GPR137C: variants seen among roughly 807,000 people sequenced by gnomAD.
GPR137C encodes the protein integral membrane protein GPR137C.
GPR137C carries 27 observed loss-of-function variants against 43.4 expected under a neutral mutation model. The observed-to-expected ratio is 0.62, with a 90% confidence interval of 0.46 to 0.86. The LOEUF (loss-of-function observed/expected upper bound fraction) is 0.86, where lower values mean the gene tolerates loss of function less well. Among genes scored for constraint, GPR137C ranks in the 40% least tolerant of loss-of-function variants. The probability of loss-of-function intolerance (pLI) is 0.00; values close to 1 mark genes in which losing one functional copy is unlikely to be tolerated. For synonymous variants in GPR137C, 285 were observed against 226.9 expected, an observed-to-expected ratio of 1.26 and a Z score of -2.30; for missense variants, 522 against 534.6, an observed-to-expected ratio of 0.98 and a Z score of 0.23.
chr14:52,629,940 T>G (rs2039275850), intron 3 of GPR137C, among the ~76,000 whole-genome samples: 1 of 152,220 alleles, frequency 6.6e-6, no homozygotes, highest in African/African-American at 2.4e-5. Context: ...GGTATGTAGG[T>G]GTCAGAGACC....
intron 1 of GPR137C, among the ~76,000 whole-genome samples, chr14:52,596,326 G>A (rs576862201): frequency 1.4e-4 from 21 of 152,358 alleles, no homozygotes; most frequent in South Asian, 4.1e-4. Flanking sequence ...CTCAAACTCC[G>A]TGCTGGGAGA....
At chr14:52,616,641 G>T (rs575167102) in intron 3 of GPR137C, among the ~76,000 whole-genome samples, 4 of 152,030 alleles carry the variant, frequency 2.6e-5, no homozygotes, top group Non-Finnish European at 4.4e-5. Context: ...TTTACTCTTT[G>T]CTTGATTGTC....
chr14:52,572,021 C>T (rs2038479127), intron 1 of GPR137C, among the ~76,000 whole-genome samples: 1 of 152,188 alleles, frequency 6.6e-6, no homozygotes, highest in Admixed American at 6.5e-5. Flanking sequence ...TTCCTGGACA[C>T]ATACACCCTC....
chr14:52,622,421 A>C (rs1457205626), intron 3 of GPR137C, among the ~76,000 whole-genome samples: 1 of 152,122 alleles, frequency 6.6e-6, no homozygotes, highest in Non-Finnish European at 1.5e-5. Flanking sequence ...TAATTATCAG[A>C]CCATCTCATT....
intron 1 of GPR137C, among the ~76,000 whole-genome samples, chr14:52,596,696 G>A (rs555854444): frequency 2.3e-4 from 35 of 152,324 alleles, no homozygotes; most frequent in Admixed American, 2.1e-3. Context: ...GTATTTGGAC[G>A]AGAGTGTACC....
At chr14:52,583,710 T>G (rs1344795369) in intron 1 of GPR137C, among the ~76,000 whole-genome samples, 1 of 152,214 alleles carries the variant, frequency 6.6e-6, no homozygotes, top group East Asian at 1.9e-4. Flanking sequence ...GCCATCTGAT[T>G]AGATCATCAT....
chr14:52,634,530 AC>A (rs2139587978), intron 6 of GPR137C, among the ~76,000 whole-genome samples: 1 of 152,114 alleles, frequency 6.6e-6, no homozygotes, highest in Admixed American at 6.6e-5. Context: ...AGTTTTTTGA[AC>A]CTGCTTTTCA....
At chr14:52,622,429 A>G (rs747703181) in intron 3 of GPR137C, among the ~76,000 whole-genome samples, 2 of 152,110 alleles carry the variant, frequency 1.3e-5, no homozygotes, top group Non-Finnish European at 2.9e-5. Context: ...AGACCATCTC[A>G]TTAGAAAAGT....
rs539613385 is a variant in GPR137C at position 52,616,072 on chromosome 14, A to G, written c.717+15731A>G. ...GTATTTAGAGCAATATGTTTTCTCAAGTACTGCCTTGGCACCTTTCTATAA... is the reference window on the plus strand; with the variant it reads ...GTATTTAGAGCAATATGTTTTCTCAGGTACTGCCTTGGCACCTTTCTATAA... On this transcript the variant is annotated intron_variant, in intron 3 of 6. Coordinates refer to ENST00000321662, the MANE Select transcript of GPR137C (RefSeq NM_001099652.2). Among the ~76,000 whole-genome samples, 518 of 152,290 alleles carry G rather than the reference A, an allele frequency of 3.4e-3. 2 individuals carry two copies. The highest frequency in any genetic ancestry group is 4.8e-3 in the Non-Finnish European group (326 of 68,028).
chr14:52,636,894 C>T lies in GPR137C; in HGVS notation c.*1779C>T, dbSNP rs1308412383. On this transcript the variant is annotated 3_prime_UTR_variant, in exon 7 of 7. Coordinates refer to ENST00000321662, the MANE Select transcript of GPR137C (RefSeq NM_001099652.2). The stretch of plus-strand genomic sequence containing the variant: ...TACAACTCCAGTTGTTAGATTGCTT[C>T]TCAGAATGCTAACTGTTTATTTTGC... 6.6e-6 allele frequency: 1 copy of T among 152,104 alleles called. No homozygotes were observed. The highest frequency in any genetic ancestry group is 1.5e-5 in the Non-Finnish European group (1 of 67,986). 9.4% of individuals were successfully genotyped at this position (152,104 alleles called of 1,614,324 possible). A position where few individuals can be genotyped will look rare whatever the true frequency, so the allele number is the denominator to read the frequency against.
intron 3 of GPR137C, chr14:52,611,848 A>G (rs2039042427): frequency 5.5e-6 from 4 of 733,352 alleles, no homozygotes; most frequent in Non-Finnish European, 6.7e-6. Context: ...CAAGGATGAA[A>G]TAATAATGTA....
chr14:52,567,006 G>A (rs958792305), intron 1 of GPR137C, among the ~76,000 whole-genome samples: 2 of 152,154 alleles, frequency 1.3e-5, no homozygotes, highest in African/African-American at 4.8e-5. Context: ...TCAACTACTT[G>A]GGAGGCTGCG....
chr14:52,559,354 C>A (rs1215506483), intron 1 of GPR137C, among the ~76,000 whole-genome samples: 1 of 152,058 alleles, frequency 6.6e-6, no homozygotes, highest in Non-Finnish European at 1.5e-5. Flanking sequence ...TGCACTCTAG[C>A]CTGGCGACAG....
intron 1 of GPR137C, among the ~76,000 whole-genome samples, chr14:52,582,987 T>G (rs2038667113): frequency 6.6e-6 from 1 of 152,150 alleles, no homozygotes; most frequent in Non-Finnish European, 1.5e-5. Context: ...TAAAAGTAGA[T>G]TATGTGATAT....
At chr14:52,574,388 A>G (rs2038518999) in intron 1 of GPR137C, among the ~76,000 whole-genome samples, 1 of 152,210 alleles carries the variant, frequency 6.6e-6, no homozygotes, top group Non-Finnish European at 1.5e-5. Flanking sequence ...CTATGCAGCC[A>G]TAAAAAAGGA....
At position 52,637,311 on chromosome 14, in the gene GPR137C, A is replaced by G. The variant is rs974310150; in HGVS notation, c.*2196A>G. The G allele has an allele frequency of 6.6e-6, 1 of 152,156 alleles. No homozygotes were observed. Among genetic ancestry groups the G allele is most frequent in the South Asian group, 2.1e-4 (1 of 4,834 alleles). 9.4% of individuals were successfully genotyped at this position (152,156 alleles called of 1,614,324 possible). Reference sequence around the variant, plus strand: ...GGTCTCGAAAGGAGTTGTTTATAAAATCAAAGGGCTACCGATTCCCTGTTC... The same window carrying G: ...GGTCTCGAAAGGAGTTGTTTATAAAGTCAAAGGGCTACCGATTCCCTGTTC... On this transcript the variant is annotated 3_prime_UTR_variant, in exon 7 of 7. Transcript: ENST00000321662.
Position 52,637,596 on chromosome 14 carries a change from A to G in GPR137C, c.*2481A>G, listed in dbSNP as rs747106822. 6.6e-6 allele frequency: 1 copy of G among 152,188 alleles called. No homozygotes were observed. Among genetic ancestry groups the G allele is most frequent in the Non-Finnish European group, 1.5e-5 (1 of 68,014 alleles). The allele number at this position is 152,188 out of a possible 1,614,324, so 9.4% of individuals were successfully genotyped here. A position where few individuals can be genotyped will look rare whatever the true frequency, so the allele number is the denominator to read the frequency against. Reference sequence around the variant, plus strand: ...TTGTTTAACAGTGTTTCTCAGCTATATAATCAGTTTCAAACTGGTTGTAAA... The same window carrying G: ...TTGTTTAACAGTGTTTCTCAGCTATGTAATCAGTTTCAAACTGGTTGTAAA... On this transcript the variant is annotated 3_prime_UTR_variant, in exon 7 of 7. Transcript: ENST00000321662.
chr14:52,627,471 A>G (rs889899269), intron 3 of GPR137C, among the ~76,000 whole-genome samples: 1 of 152,212 alleles, frequency 6.6e-6, no homozygotes, highest in Admixed American at 6.5e-5. Flanking sequence ...TCACATGTCA[A>G]TCATACCTCA....
Position 52,553,006 on chromosome 14 carries a change from C to T in GPR137C, c.-142C>T. On this transcript the variant is annotated 5_prime_UTR_variant, in exon 1 of 7. Coordinates refer to ENST00000321662, the MANE Select transcript of GPR137C (RefSeq NM_001099652.2). ...GGAGCCGCGGCTGCTTTGCGCTGGA[C>T]TCCGGGTCCCGTCACGGCGCTTCCT... is the stretch of plus-strand genomic sequence containing the variant. 1 of 312,264 alleles carries T rather than the reference C, an allele frequency of 3.2e-6. No homozygotes were observed. The highest frequency in any genetic ancestry group is 5.2e-6 in the Non-Finnish European group (1 of 193,502). 19.3% of individuals were successfully genotyped at this position (312,264 alleles called of 1,614,324 possible).
Sources: allele counts gnomAD v4.1 joint callset (sites outside exome capture counted in the v4.1 genomes callset), GRCh38; gene constraint gnomAD v4.1.1; transcripts MANE v1.5; gene names NCBI Gene and HGNC (gene_info 2026-07-23, HGNC 2026-07-21).